Variants in NBEAL2 observed in about 807,000 individuals in gnomAD.
The protein encoded by NBEAL2 is neurobeachin like 2.
A neutral mutation model predicts 299.8 loss-of-function variants in NBEAL2; 160 were observed. The observed-to-expected ratio is 0.53, with a 90% confidence interval of 0.47 to 0.61. The LOEUF is 0.61. NBEAL2 is among the 20% of genes least tolerant of loss of function. The pLI is 0.00. For missense variants in NBEAL2, 3,112 were observed against 3,649.0 expected (o/e 0.85, Z 3.79); for synonymous variants, 1,493 against 1,542.3 (o/e 0.97, Z 0.75).
In NBEAL2 at chr3:46,997,425, A is replaced by G. The variant is rs778700832; in HGVS notation, c.2816A>G (p.Lys939Arg). The change falls in exon 19 of 54, where the codon AAA (lysine) becomes AGA (arginine). Residue 939 changes from lysine (K) to arginine (R), a missense_variant. This residue lies in a region of NBEAL2 where 2,243 missense variants were observed against 2,538.1 expected (regional missense o/e 0.88). Transcript: ENST00000450053. ...CAGGGCCTGGTTCTCCCATTGGGTA[A>G]ATCTTCAGGTAAGTGTTCCTGGTGC... ...NTQGLVLPLG[K>R]SSEERMERNA... 7 of 1,608,454 alleles carry G rather than the reference A, an allele frequency of 4.4e-6. No homozygotes were observed. Among genetic ancestry groups the G allele is most frequent in the Non-Finnish European group, 5.9e-6 (7 of 1,176,990 alleles).
rs760442589 is a variant in NBEAL2, at chr3:47,008,190, T to A, written c.7719+4T>A. On this transcript the variant is annotated splice_donor_region_variant and intron_variant, in intron 50 of 53. Coordinates refer to ENST00000450053, the MANE Select transcript of NBEAL2 (RefSeq NM_015175.3). ...CATGGCTGTGTCTGGATCTGAGGTG[T>A]GTGTATGCATGTGCCCTGGGGAGGG... The A allele has an allele frequency of 6.2e-7, 1 of 1,613,886 alleles. No individual in the cohort carries two copies. The highest frequency in any genetic ancestry group is 1.1e-5 in the South Asian group (1 of 91,074).
chr3:46,981,128 C>T (rs2035301163), intron 1 of NBEAL2, among the ~76,000 whole-genome samples: 1 of 152,216 alleles, frequency 6.6e-6, no homozygotes, highest in African/African-American at 2.4e-5. Flanking sequence ...GACTTCTGAG[C>T]CTCTGCTTCC....
At position 46,995,951 on chromosome 3, in the gene NBEAL2, A is replaced by T; in HGVS notation, c.2051A>T (p.His684Leu). The change falls in exon 15 of 54, where the codon CAT becomes CTT. Residue 684 changes from histidine (H) to leucine (L), a missense_variant. Coordinates refer to ENST00000450053, the MANE Select transcript of NBEAL2 (RefSeq NM_015175.3). ...DSAWHCVAIVHVPGRRPFSQN... is the reference protein window; with the variant it reads ...DSAWHCVAIVLVPGRRPFSQN... Reference sequence around the variant, plus strand: ...TTCTAGCACTGCGTGGCTATCGTCCATGTGCCTGGGCGCCGGCCCTTCAGC... The same window carrying T: ...TTCTAGCACTGCGTGGCTATCGTCCTTGTGCCTGGGCGCCGGCCCTTCAGC... The T allele has an allele frequency of 1.9e-6, 3 of 1,613,390 alleles. No individual in the cohort carries two copies. The highest frequency in any genetic ancestry group is 2.5e-6 in the Non-Finnish European group (3 of 1,179,798).
intron 11 of NBEAL2, 49 bp downstream of exon 11, chr3:46,994,069 A>T (rs2036296689): frequency 6.5e-7 from 1 of 1,531,490 alleles, no homozygotes; most frequent in Non-Finnish European, 8.9e-7. Context: ...GTGGAGTTCA[A>T]CTGACCATAT....
chr3:46,989,428 G>A lies in NBEAL2; in HGVS notation c.473+47G>A. The A allele has an allele frequency of 6.4e-7, 1 of 1,564,900 alleles. No homozygotes were observed. The highest frequency in any genetic ancestry group is 8.7e-7 in the Non-Finnish European group (1 of 1,154,802). ...GGGAACCCAGAGGAGGGTGGGGAGAGGATGGCCGCGCTGGGCCCAAGGAGG... is the reference window on the plus strand; with the variant it reads ...GGGAACCCAGAGGAGGGTGGGGAGAAGATGGCCGCGCTGGGCCCAAGGAGG... On this transcript the variant is annotated intron_variant, in intron 5 of 53. Coordinates refer to ENST00000450053, the MANE Select transcript of NBEAL2 (RefSeq NM_015175.3). The surrounding 1 kb of genome is among the most constrained non-coding windows in gnomAD (Gnocchi z 5.5).
chr3:46,992,684 C>A, intron 10 of NBEAL2, 129 bp downstream of exon 10: 1 of 864,512 alleles, frequency 1.2e-6, no homozygotes, highest in Non-Finnish European at 1.8e-6. Context: ...GGTGTGGGTC[C>A]TCCATGCTGT....
At position 47,001,832 on chromosome 3, in the gene NBEAL2, C is replaced by T; in HGVS notation, c.4782+6C>T. 1 of 1,613,562 alleles carries T rather than the reference C, an allele frequency of 6.2e-7. No homozygotes were observed. The highest frequency in any genetic ancestry group is 8.5e-7 in the Non-Finnish European group (1 of 1,179,778). ...TCCTGCTGGAAGACCCACAGGTGAG[C>T]ACAGGGTGAGCATGGGGGCAGGGGG... On this transcript the variant is annotated splice_donor_region_variant and intron_variant, in intron 30 of 53. Transcript: ENST00000450053. The surrounding 1 kb of genome is among the most constrained non-coding windows in gnomAD (Gnocchi z 6.1).
chr3:46,994,553 G>C lies in NBEAL2; in HGVS notation c.1296G>C (p.Met432Ile). 6.4e-7 allele frequency: 1 copy of C among 1,572,654 alleles called. No individual in the cohort carries two copies. Among genetic ancestry groups the C allele is most frequent in the Non-Finnish European group, 8.6e-7 (1 of 1,157,160 alleles). Residue 432 changes from methionine to isoleucine, a missense_variant and splice_region_variant, in exon 12 of 54, where the codon ATG becomes ATC. By Grantham distance (10) the Met-to-Ile change is conservative (BLOSUM62 1). This residue lies in a region of NBEAL2 where 2,243 missense variants were observed against 2,538.1 expected (regional missense o/e 0.88). Coordinates refer to ENST00000450053, the MANE Select transcript of NBEAL2 (RefSeq NM_015175.3). ...GGCTGTTGCAAGAGCTGCTCAACAT[G>C]GTGAGGGAAGGGGCTTGGGACCAGG... Reference protein sequence around the residue: ...THRLLQELLNMAVEGDHSMCP... With the variant: ...THRLLQELLNIAVEGDHSMCP...
At chr3:46,994,270 CT>C (rs2107330392) in intron 11 of NBEAL2, among the ~76,000 whole-genome samples, 184 bp from the exon 12 acceptor site, 1 of 152,308 alleles carries the variant, frequency 6.6e-6, no homozygotes, top group African/African-American at 2.4e-5. Context: ...CATCTACAGC[CT>C]TCTGAGATGT....
intron 16 of NBEAL2, 79 bp downstream of exon 16, chr3:46,996,671 C>T (rs2036525814): frequency 5.8e-6 from 9 of 1,542,252 alleles, no homozygotes; most frequent in Non-Finnish European, 7.9e-6. Context: ...CTCTGGGGGT[C>T]TCTCCTGTGG....
intron 41 of NBEAL2, 33 bp from the exon 42 acceptor site, chr3:47,005,705 C>G: frequency 6.2e-7 from 1 of 1,612,850 alleles, no homozygotes; most frequent in Non-Finnish European, 8.5e-7. Context: ...TCGGGATGGA[C>G]AGGGAGACAG....
chr3:46,995,711 C>T lies in NBEAL2; in HGVS notation c.1899-3C>T. ...CAGACATAACTGGCTTGCCTGCCCC[C>T]AGCTTCTTTACCAGCAGCGGCTCAG... On this transcript the variant is annotated splice_region_variant and splice_polypyrimidine_tract_variant and intron_variant, in intron 13 of 53. Coordinates refer to ENST00000450053, the MANE Select transcript of NBEAL2 (RefSeq NM_015175.3). 6.2e-7 allele frequency: 1 copy of T among 1,613,268 alleles called. No homozygotes were observed. Among genetic ancestry groups the T allele is most frequent in the Non-Finnish European group, 8.5e-7 (1 of 1,179,584 alleles).
Position 46,988,029 on chromosome 3 carries a change from G to A in NBEAL2, c.52-640G>A, listed in dbSNP as rs1214936473. 7.0e-6 allele frequency: 9 copies of A among 1,278,890 alleles called. No individual in the cohort carries two copies. In the Admixed American group the frequency reaches 2.1e-4, roughly 30 times the overall value. The allele number at this position is 1,278,890 out of a possible 1,614,324, so 79.2% of individuals were successfully genotyped here. A position where few individuals can be genotyped will look rare whatever the true frequency, so the allele number is the denominator to read the frequency against. On this transcript the variant is annotated intron_variant, in intron 1 of 53. Transcript: ENST00000450053. This position sits in a 1 kb window ranked among gnomAD's most constrained non-coding sequence, Gnocchi z 4.4. ...CTGGCAGCGCCTAGACCTGGGCTTA[G>A]CCACTGCCCCTCTTGCCCATGGAAC...
Position 47,001,607 on chromosome 3 carries a change from G to A in NBEAL2, c.4645-82G>A. On this transcript the variant is annotated intron_variant, in intron 29 of 53. Coordinates refer to ENST00000450053, the MANE Select transcript of NBEAL2 (RefSeq NM_015175.3). This position sits in a 1 kb window ranked among gnomAD's most constrained non-coding sequence, Gnocchi z 6.1. ...GTGCACAAACCCTACCTGGCCCCCA[G>A]CGCAAACTTTACTTTGCTCCCTTTC... is the stretch of plus-strand genomic sequence containing the variant. 6.3e-7 allele frequency: 1 copy of A among 1,585,826 alleles called. No homozygotes were observed. Among genetic ancestry groups the A allele is most frequent in the Non-Finnish European group, 8.6e-7 (1 of 1,164,370 alleles).
At position 47,000,401 on chromosome 3, in the gene NBEAL2, A is replaced by G. The variant is rs375406182; in HGVS notation, c.4302A>G (p.Pro1434=). ...ATGATACCTCGAACACCAGCAACCCACAGGTGAGGTGGGCCCACCCTCTGC... is the reference window on the plus strand; with the variant it reads ...ATGATACCTCGAACACCAGCAACCCGCAGGTGAGGTGGGCCCACCCTCTGC... ...SGDDTSNTSN[P]QQTSEEELCN... Residue 1434 remains proline, a synonymous_variant, in exon 27 of 54, where the codon CCA becomes CCG. Coordinates refer to ENST00000450053, the MANE Select transcript of NBEAL2 (RefSeq NM_015175.3). The surrounding 1 kb of genome is among the most constrained non-coding windows in gnomAD (Gnocchi z 4.5). 5 of 1,567,776 alleles carry G rather than the reference A, an allele frequency of 3.2e-6. No individual in the cohort carries two copies. In the African/African-American group the frequency reaches 4.0e-5, roughly 13 times the overall value.
Position 46,996,846 on chromosome 3 carries a change from C to A in NBEAL2, c.2556+13C>A. The A allele has an allele frequency of 2.5e-6, 4 of 1,612,244 alleles. No individual in the cohort carries two copies. The highest frequency in any genetic ancestry group is 1.3e-5 in the African/African-American group (1 of 75,006). ...TTACTCACCTCAGGTATTTGGGGGC[C>A]CCAGGGGAGTGGTTGGCTCGACTGT... On this transcript the variant is annotated intron_variant, in intron 17 of 53. Coordinates refer to ENST00000450053, the MANE Select transcript of NBEAL2 (RefSeq NM_015175.3).
In NBEAL2 at chr3:47,003,660, T is replaced by G. The variant is rs1010805283; in HGVS notation, c.5721-156T>G. Among the ~76,000 whole-genome samples, 3 of 152,134 alleles carry G rather than the reference T, an allele frequency of 2.0e-5. No individual in the cohort carries two copies. The highest frequency in any genetic ancestry group is 7.2e-5 in the African/African-American group (3 of 41,430). The stretch of plus-strand genomic sequence containing the variant: ...TGGGTGGCAGGTGGGGGACAGGGGC[T>G]GGGACCAGTAGGTTCTGGACCCTAG... On this transcript the variant is annotated intron_variant, in intron 35 of 53. Coordinates refer to ENST00000450053, the MANE Select transcript of NBEAL2 (RefSeq NM_015175.3). This position sits in a 1 kb window ranked among gnomAD's most constrained non-coding sequence, Gnocchi z 7.0.
At position 46,990,559 on chromosome 3, in the gene NBEAL2, G is replaced by A. The variant is rs577204230; in HGVS notation, c.557-660G>A. 3.9e-5 allele frequency among the ~76,000 whole-genome samples: 6 copies of A among 152,262 alleles called. 1 individual carries two copies. In the South Asian group the frequency reaches 1.2e-3, roughly 32 times the overall value. ...CTCCCCTCAAAAGCCCCATCCCCAA[G>A]GAGGCCTCCCACCCATCCAGCCGGA... On this transcript the variant is annotated intron_variant, in intron 6 of 53. Coordinates refer to ENST00000450053, the MANE Select transcript of NBEAL2 (RefSeq NM_015175.3).
intron 9 of NBEAL2, among the ~76,000 whole-genome samples, chr3:46,992,246 A>C (rs1400703066): frequency 6.6e-6 from 1 of 152,118 alleles, no homozygotes; most frequent in African/African-American, 2.4e-5. Context: ...CCCCAAGTAC[A>C]GGGGCTAGAG....
Sources: allele counts gnomAD v4.1 joint callset (sites outside exome capture counted in the v4.1 genomes callset), GRCh38; gene constraint gnomAD v4.1.1; regional missense constraint gnomAD v4.1.1; non-coding constraint Gnocchi (gnomAD v3.1); transcripts MANE v1.5; gene names NCBI Gene and HGNC (gene_info 2026-07-23, HGNC 2026-07-21).